FAM168A: variants seen among roughly 807,000 people sequenced by gnomAD.
The protein encoded by FAM168A is protein FAM168A.
A neutral mutation model predicts 28.5 loss-of-function variants in FAM168A; 3 were observed. The ratio of observed to expected loss-of-function variants is 0.11; its 90% confidence interval spans 0.05 to 0.27. FAM168A has a LOEUF of 0.27. Among genes scored for constraint, FAM168A ranks in the 10% least tolerant of loss-of-function variants. The pLI is 1.00. For missense variants in FAM168A, 222 were observed against 311.5 expected (o/e 0.71, Z 2.16); for synonymous variants, 122 against 124.2 (o/e 0.98, Z 0.12).
chr11:73,519,428 G>C (rs912673481), intron 1 of FAM168A, among the ~76,000 whole-genome samples: 2 of 152,204 alleles, frequency 1.3e-5, no homozygotes, highest in African/African-American at 4.8e-5. Context: ...CCCATCCTCA[G>C]AGTTTACACT....
intron 2 of FAM168A, among the ~76,000 whole-genome samples, chr11:73,432,525 A>C (rs1867012962): frequency 6.6e-6 from 1 of 152,116 alleles, no homozygotes; most frequent in Non-Finnish European, 1.5e-5. Flanking sequence ...CATTTCCCTA[A>C]CGACTAACGA....
chr11:73,492,794 C>CAA (rs750571262), intron 1 of FAM168A, among the ~76,000 whole-genome samples: 3 of 152,166 alleles, frequency 2.0e-5, no homozygotes, highest in Non-Finnish European at 4.4e-5. Flanking sequence ...CTCAAATACT[C>CAA]AGAGTTCAAA....
intron 1 of FAM168A, among the ~76,000 whole-genome samples, chr11:73,525,396 G>C (rs1394063369): frequency 1.3e-5 from 2 of 152,058 alleles, no homozygotes; most frequent in African/African-American, 4.8e-5. Context: ...GATTAAGTTT[G>C]ACTACCTATA....
chr11:73,565,386 T>G (rs1157108885), intron 1 of FAM168A, among the ~76,000 whole-genome samples: 1 of 152,180 alleles, frequency 6.6e-6, no homozygotes, highest in Non-Finnish European at 1.5e-5. Context: ...CCCACTATAC[T>G]GATATTTCCA....
At chr11:73,581,551 T>C (rs1944244619) in intron 1 of FAM168A, among the ~76,000 whole-genome samples, 1 of 152,144 alleles carries the variant, frequency 6.6e-6, no homozygotes, top group Non-Finnish European at 1.5e-5. Flanking sequence ...GGGGTTCAAA[T>C]TCAGTTCTTC....
chr11:73,408,262 T>C (rs1304141289), intron 6 of FAM168A, among the ~76,000 whole-genome samples: 3 of 152,206 alleles, frequency 2.0e-5, no homozygotes, highest in African/African-American at 7.2e-5. Context: ...CACACTAACC[T>C]GGGTGTTCCT....
At chr11:73,491,515 GT>G (rs1868127647) in intron 1 of FAM168A, among the ~76,000 whole-genome samples, 1 of 152,142 alleles carries the variant, frequency 6.6e-6, no homozygotes, top group African/African-American at 2.4e-5. Flanking sequence ...TATTTATTCT[GT>G]TTTTACTCAA....
chr11:73,418,638 C>G (rs1012572169), intron 4 of FAM168A, among the ~76,000 whole-genome samples: 4 of 152,160 alleles, frequency 2.6e-5, no homozygotes, highest in Non-Finnish European at 5.9e-5. Flanking sequence ...ATTTGTGGAA[C>G]CACACACTAT....
At chr11:73,528,840 A>G (rs1271161923) in intron 1 of FAM168A, among the ~76,000 whole-genome samples, 3 of 151,940 alleles carry the variant, frequency 2.0e-5, no homozygotes, top group Non-Finnish European at 4.4e-5. Context: ...CCCAGGAGCA[A>G]CAACATCAGC....
At chr11:73,560,604 G>T (rs141397732) in intron 1 of FAM168A, among the ~76,000 whole-genome samples, 37 of 152,224 alleles carry the variant, frequency 2.4e-4, no homozygotes, top group African/African-American at 7.9e-4. Context: ...TACTCACTCA[G>T]AAAAACTGAA....
At chr11:73,423,311 C>T (rs1590762577) in intron 3 of FAM168A, among the ~76,000 whole-genome samples, 1 of 152,282 alleles carries the variant, frequency 6.6e-6, no homozygotes, top group East Asian at 1.9e-4. Context: ...TTTCAAGCTG[C>T]ACTCAGAGCG....
chr11:73,471,999 C>T (rs115453406), intron 1 of FAM168A, among the ~76,000 whole-genome samples: 2,023 of 152,104 alleles, frequency 0.013, 44 homozygotes, highest in African/African-American at 0.045. Context: ...CTGTCAGATC[C>T]GAGGAGGCGT....
intron 1 of FAM168A, among the ~76,000 whole-genome samples, chr11:73,563,463 C>G (rs151337700): frequency 6.6e-6 from 1 of 152,112 alleles, no homozygotes; most frequent in Non-Finnish European, 1.5e-5. Context: ...TAAATATTCA[C>G]GAGTGCCCAC....
chr11:73,591,740 G>T (rs1944384472), intron 1 of FAM168A, among the ~76,000 whole-genome samples: 1 of 152,062 alleles, frequency 6.6e-6, no homozygotes, highest in Non-Finnish European at 1.5e-5. Flanking sequence ...GAACTCCTGG[G>T]CTCAAGCGAT....
At chr11:73,558,780 T>A (rs1034762339) in intron 1 of FAM168A, among the ~76,000 whole-genome samples, 6 of 152,118 alleles carry the variant, frequency 3.9e-5, no homozygotes, top group African/African-American at 1.2e-4. Flanking sequence ...ATTTATTTTT[T>A]AAAAAAGAAG....
intron 1 of FAM168A, among the ~76,000 whole-genome samples, chr11:73,569,594 C>A (rs899870941): frequency 6.6e-6 from 1 of 152,062 alleles, no homozygotes; most frequent in Admixed American, 6.6e-5. Flanking sequence ...GAAGCCGAGG[C>A]GGGCAGATCA....
chr11:73,479,416 T>C (rs1867936731), intron 1 of FAM168A, among the ~76,000 whole-genome samples: 1 of 152,172 alleles, frequency 6.6e-6, no homozygotes, highest in Non-Finnish European at 1.5e-5. Context: ...TTTTAAAGGA[T>C]GACAGGAATT....
intron 4 of FAM168A, 27 bp downstream of exon 4, chr11:73,419,847 C>G: frequency 6.2e-7 from 1 of 1,612,728 alleles, no homozygotes; most frequent in East Asian, 2.2e-5. Context: ...CCAAGGGGAA[C>G]AAGGAAATGA....
In FAM168A at chr11:73,514,641, G is replaced by A. The variant is rs181382761; in HGVS notation, c.-18-46149C>T. Among the ~76,000 whole-genome samples, 413 of 152,266 alleles carry A rather than the reference G, an allele frequency of 2.7e-3. 5 individuals are homozygous for A. Among genetic ancestry groups the A allele is most frequent in the African/African-American group, 8.6e-3 (359 of 41,536 alleles). The stretch of plus-strand genomic sequence containing the variant: ...GAGTCCAGGAGTTCAAGACCAGCCT[G>A]AGCAACATGGCAAGACCCCTGTCTA... On this transcript the variant is annotated intron_variant, in intron 1 of 7. Transcript: ENST00000356467.
Sources: allele counts gnomAD v4.1 joint callset (sites outside exome capture counted in the v4.1 genomes callset), GRCh38; gene constraint gnomAD v4.1.1; transcripts MANE v1.5; gene names NCBI Gene and HGNC (gene_info 2026-07-23, HGNC 2026-07-21).